The following EXOC6 variants were observed in gnomAD, a reference collection of about 807,000 sequenced individuals.
The protein encoded by EXOC6 is exocyst complex component 6.
In EXOC6, 60 loss-of-function variants were observed where a neutral mutation model predicts 112.5. That is an observed-to-expected ratio of 0.53 (90% CI 0.43 to 0.66). The LOEUF is 0.66. Among genes scored for constraint, EXOC6 ranks in the 30% least tolerant of loss-of-function variants. The pLI, the probability that EXOC6 is intolerant of heterozygous loss-of-function variation, is 0.00. For synonymous variants in EXOC6, 295 were observed against 308.0 expected, an observed-to-expected ratio of 0.96 and a Z score of 0.44; for missense variants, 855 against 957.1, an observed-to-expected ratio of 0.89 and a Z score of 1.41.
At chr10:93,027,286 A>G (rs1278219273) in intron 20 of EXOC6, among the ~76,000 whole-genome samples, 1 of 152,204 alleles carries the variant, frequency 6.6e-6, no homozygotes, top group African/African-American at 2.4e-5. Context: ...GGTTTAAGGA[A>G]AGAAGCCATC....
rs1377230303 is a variant in EXOC6 at position 92,934,413 on chromosome 10, G to C, written c.1123G>C (p.Val375Leu). ...CATGGCCCTCTCAAAGATAATTGCT[G>C]TCCTTAGAGCTCATTCAGTAAGTCA... The part of the protein sequence containing the change: ...WNMALSKIIA[V>L]LRAHSSYCTD... The change falls in exon 11 of 22, where the codon GTC (valine) becomes CTC (leucine). Residue 375 changes from valine (V) to leucine (L), a missense_variant. By Grantham distance (32) the Val-to-Leu change is conservative (BLOSUM62 1). Coordinates refer to ENST00000260762, the MANE Select transcript of EXOC6 (RefSeq NM_019053.6). 6.3e-7 allele frequency: 1 copy of C among 1,593,480 alleles called. No homozygotes were observed.
At position 92,966,281 on chromosome 10, in the gene EXOC6, A is replaced by AATTATTATTATT. The variant is rs35262709; in HGVS notation, c.1774-7754_1774-7743dup. ...CGTGGTCTAGAAAGCATGTAATTATAATTATTATTATTATTATTATTATTA... is the reference window on the plus strand; with the variant it reads ...CGTGGTCTAGAAAGCATGTAATTATAATTATTATTATTATTATTATTATTATTATTATTATTA... On this transcript the variant is annotated intron_variant, in intron 17 of 21. Coordinates refer to ENST00000260762, the MANE Select transcript of EXOC6 (RefSeq NM_019053.6). Among the ~76,000 whole-genome samples the AATTATTATTATT allele has an allele frequency of 4.1e-3, 548 of 134,924 alleles. 6 individuals are homozygous for AATTATTATTATT. The highest frequency in any genetic ancestry group is 0.021 in the Admixed American group (262 of 12,708). The allele number at this position is 134,924 out of a possible 152,430, so 88.5% of individuals were successfully genotyped here.
chr10:92,954,672 G>A lies in EXOC6; in HGVS notation c.1569G>A (p.Leu523=). 6.2e-7 allele frequency: 1 copy of A among 1,609,504 alleles called. No individual in the cohort carries two copies. Among genetic ancestry groups the A allele is most frequent in the Non-Finnish European group, 8.5e-7 (1 of 1,177,108 alleles). ...IDDMLRKSTN[L]LLTRTLSSCL... is the part of the protein sequence containing the mutation. Reference sequence around the variant, plus strand: ...ATATGCTTAGAAAATCAACAAATCTGCTGCTGACCAGAACTTTGAGTAGCT... The same window carrying A: ...ATATGCTTAGAAAATCAACAAATCTACTGCTGACCAGAACTTTGAGTAGCT... The change falls in exon 16 of 22, where the codon CTG becomes CTA. Residue 523 remains leucine, a synonymous_variant. Transcript: ENST00000260762.
chr10:92,981,740 A>G (rs992762473), intron 18 of EXOC6, among the ~76,000 whole-genome samples: 3 of 152,216 alleles, frequency 2.0e-5, no homozygotes, highest in Non-Finnish European at 4.4e-5. Context: ...TATTCCCAGA[A>G]AGATATCTTT....
In EXOC6 at chr10:92,919,949, C is replaced by G. The variant is rs143757847; in HGVS notation, c.820-33C>G. The G allele has an allele frequency of 6.8e-5, 95 of 1,393,388 alleles. No individual in the cohort carries two copies. The East Asian group carries it at 2.0e-3, about 30-fold the overall frequency. The allele number at this position is 1,393,388 out of a possible 1,614,324, so 86.3% of individuals were successfully genotyped here. ...TCTAATGGTGGTCTAATAGTTTGAC[C>G]TATAATTTTTTTAAAAATGGTTTAA... On this transcript the variant is annotated intron_variant, in intron 7 of 21. Coordinates refer to ENST00000260762, the MANE Select transcript of EXOC6 (RefSeq NM_019053.6).
intron 1 of EXOC6, among the ~76,000 whole-genome samples, chr10:92,863,729 G>C (rs1848022779): frequency 6.6e-6 from 1 of 151,946 alleles, no homozygotes; most frequent in African/African-American, 2.4e-5. Context: ...TGGCTAACAT[G>C]GTGAAACCCC....
intron 12 of EXOC6, among the ~76,000 whole-genome samples, chr10:92,938,664 A>G (rs1852488918): frequency 2.0e-5 from 3 of 152,162 alleles, no homozygotes; most frequent in Admixed American, 2.0e-4. Context: ...TTTTTTGAGT[A>G]CCCAATACAT....
At chr10:92,917,938 G>A (rs1851200534) in intron 7 of EXOC6, among the ~76,000 whole-genome samples, 1 of 152,240 alleles carries the variant, frequency 6.6e-6, no homozygotes, top group East Asian at 1.9e-4. Context: ...GATTGTTTGG[G>A]CCAGGAGTTT....
chr10:93,014,391 C>T, intron 20 of EXOC6, 124 bp downstream of exon 20: 1 of 719,486 alleles, frequency 1.4e-6, no homozygotes, highest in East Asian at 2.6e-5. Context: ...TAAGAAAAAT[C>T]CTTCCTTGGT....
chr10:92,965,339 AT>A (rs2134055219), intron 17 of EXOC6, among the ~76,000 whole-genome samples: 1 of 152,286 alleles, frequency 6.6e-6, no homozygotes, highest in South Asian at 2.1e-4. Context: ...CAGATAGTAT[AT>A]TTAATTCTTA....
At chr10:92,936,977 T>C (rs1034273318) in intron 12 of EXOC6, among the ~76,000 whole-genome samples, 1 of 152,142 alleles carries the variant, frequency 6.6e-6, no homozygotes, top group African/African-American at 2.4e-5. Flanking sequence ...TATTCCCCCC[T>C]GGATATTAGG....
At chr10:92,904,317 G>T (rs919139662) in intron 5 of EXOC6, among the ~76,000 whole-genome samples, 23 of 152,012 alleles carry the variant, frequency 1.5e-4, no homozygotes, top group African/African-American at 4.6e-4. Context: ...GTAAATACCT[G>T]GGGATGTGAT....
At chr10:93,036,117 C>G (rs551932589) in intron 20 of EXOC6, among the ~76,000 whole-genome samples, 28 of 151,036 alleles carry the variant, frequency 1.9e-4, no homozygotes, top group African/African-American at 6.6e-4. Flanking sequence ...ACTTGGGAGG[C>G]AGAGGCAGGA....
intron 1 of EXOC6, among the ~76,000 whole-genome samples, chr10:92,864,285 T>A (rs1848062046): frequency 6.6e-6 from 1 of 152,206 alleles, no homozygotes; most frequent in Non-Finnish European, 1.5e-5. Context: ...TTGCTAAGTT[T>A]GTAACATATT....
intron 1 of EXOC6, among the ~76,000 whole-genome samples, chr10:92,855,876 T>C (rs1315902441): frequency 3.4e-4 from 51 of 152,070 alleles, no homozygotes; most frequent in Non-Finnish European, 2.6e-4. Context: ...TGTTTTTTCT[T>C]TTTTTTGAGA....
At position 92,934,291 on chromosome 10, in the gene EXOC6, T is replaced by C; in HGVS notation, c.1020-19T>C. ...GGGTTTTTTTTTTTAACACATGCTT[T>C]GGTAATTACTGTTTTTAGGTTCTTT... On this transcript the variant is annotated intron_variant, in intron 10 of 21. Transcript: ENST00000260762. 1 of 1,568,480 alleles carries C rather than the reference T, an allele frequency of 6.4e-7. No homozygotes were observed. The highest frequency in any genetic ancestry group is 8.6e-7 in the Non-Finnish European group (1 of 1,165,620).
chr10:93,031,302 T>C (rs1328786650), intron 20 of EXOC6, among the ~76,000 whole-genome samples: 4 of 152,166 alleles, frequency 2.6e-5, no homozygotes, highest in South Asian at 2.1e-4. Flanking sequence ...TTTTTATTAA[T>C]TGAAACCAGG....
At chr10:92,927,828 T>C (rs543484645) in intron 8 of EXOC6, among the ~76,000 whole-genome samples, 1 of 151,998 alleles carries the variant, frequency 6.6e-6, no homozygotes, top group South Asian at 2.1e-4. Flanking sequence ...GAGTAAAAAA[T>C]CATATGGGAA....
At chr10:92,859,730 G>A (rs1847805313) in intron 1 of EXOC6, among the ~76,000 whole-genome samples, 1 of 152,036 alleles carries the variant, frequency 6.6e-6, no homozygotes, top group Admixed American at 6.6e-5. Context: ...TGAGGTAGAG[G>A]GGCTGAGTTT....
Sources: allele counts gnomAD v4.1 joint callset (sites outside exome capture counted in the v4.1 genomes callset), GRCh38; gene constraint gnomAD v4.1.1; transcripts MANE v1.5; gene names NCBI Gene and HGNC (gene_info 2026-07-23, HGNC 2026-07-21).